SDK2: variants seen among roughly 807,000 people sequenced by gnomAD.
The protein encoded by SDK2 is protein sidekick-2.
A neutral mutation model predicts 253.9 loss-of-function variants in SDK2; 105 were observed. The observed-to-expected ratio is 0.41, with a 90% CI of 0.35 to 0.49. The LOEUF (loss-of-function observed/expected upper bound fraction) is 0.49, where lower values mean the gene tolerates loss of function less well. Among genes scored for constraint, SDK2 ranks in the 20% least tolerant of loss-of-function variants. SDK2 has a pLI of 0.06. For missense variants in SDK2, 2,608 were observed against 3,003.0 expected (o/e 0.87, Z 3.07); for synonymous variants, 1,249 against 1,234.9 (o/e 1.01, Z -0.24).
chr17:73,381,488 T>A (rs938189439), intron 33 of SDK2, among the ~76,000 whole-genome samples: 4 of 152,002 alleles, frequency 2.6e-5, no homozygotes, highest in African/African-American at 9.7e-5. Context: ...GTTTTTCTAT[T>A]AATATTCCTT....
rs952956230 is a variant in SDK2, at chr17:73,361,242, G to T, written c.5467+442C>A. On this transcript the variant is annotated intron_variant, in intron 39 of 44. Coordinates refer to ENST00000392650, the MANE Select transcript of SDK2 (RefSeq NM_001144952.2). This position sits in a 1 kb window ranked among gnomAD's most constrained non-coding sequence, Gnocchi z 4.1. The stretch of plus-strand genomic sequence containing the variant: ...ACCCTGGGAACGTGCATTTTAGTGC[G>T]CCCTGCTCTGAGAACCGCTGCCTGG... Among the ~76,000 whole-genome samples the T allele has an allele frequency of 2.6e-5, 4 of 152,144 alleles. No individual in the cohort carries two copies. The highest frequency in any genetic ancestry group is 9.7e-5 in the African/African-American group (4 of 41,424).
chr17:73,483,356 A>C (rs1222364699), intron 2 of SDK2, among the ~76,000 whole-genome samples: 3 of 124,270 alleles, frequency 2.4e-5, no homozygotes, highest in Non-Finnish European at 4.7e-5. Flanking sequence ...CCTTTTGCTC[A>C]GGCTAAAGTG....
intron 1 of SDK2, among the ~76,000 whole-genome samples, chr17:73,542,769 C>A (rs899346765): frequency 1.3e-5 from 2 of 152,218 alleles, no homozygotes; most frequent in African/African-American, 4.8e-5. Flanking sequence ...GGGCCTGCAA[C>A]AGGCCTGAAA....
At chr17:73,412,963 C>A (rs529331260) in intron 18 of SDK2, among the ~76,000 whole-genome samples, 1 of 152,220 alleles carries the variant, frequency 6.6e-6, no homozygotes, top group East Asian at 1.9e-4. Context: ...ACAGTAATCC[C>A]GTACTTCTAA....
intron 1 of SDK2, among the ~76,000 whole-genome samples, chr17:73,591,818 G>C (rs73353312): frequency 0.018 from 2,779 of 152,172 alleles, 76 homozygotes; most frequent in African/African-American, 0.059. Flanking sequence ...CTGTGGGGTG[G>C]GGCAATACCA....
chr17:73,468,011 C>T (rs1348427100), intron 3 of SDK2, among the ~76,000 whole-genome samples: 4 of 152,174 alleles, frequency 2.6e-5, no homozygotes, highest in African/African-American at 9.7e-5. Context: ...ACAGCATGGT[C>T]CTGGTGGAAC....
rs982666988 is a variant in SDK2, at chr17:73,541,223, G to T, written c.65-33626C>A. On this transcript the variant is annotated intron_variant, in intron 1 of 44. Coordinates refer to ENST00000392650, the MANE Select transcript of SDK2 (RefSeq NM_001144952.2). This position sits in a 1 kb window ranked among gnomAD's most constrained non-coding sequence, Gnocchi z 4.3. ...AGGGCTGGGGCAGCAGTGAAGGGAGGTGCCCGGGGGGCTGCAGGGGATGGG... is the reference window on the plus strand; with the variant it reads ...AGGGCTGGGGCAGCAGTGAAGGGAGTTGCCCGGGGGGCTGCAGGGGATGGG... Among the ~76,000 whole-genome samples the T allele has an allele frequency of 8.5e-5, 13 of 152,216 alleles. No homozygotes were observed. The highest frequency in any genetic ancestry group is 1.6e-4 in the Non-Finnish European group (11 of 68,042).
intron 1 of SDK2, among the ~76,000 whole-genome samples, chr17:73,613,367 C>T (rs1216548776): frequency 6.6e-6 from 1 of 151,462 alleles, no homozygotes; most frequent in African/African-American, 2.4e-5. Flanking sequence ...CCACCCCCGC[C>T]CTCCAGGTCC....
At position 73,415,549 on chromosome 17, in the gene SDK2, G is replaced by A. The variant is rs147170499; in HGVS notation, c.2368+262C>T. On this transcript the variant is annotated intron_variant, in intron 17 of 44. Transcript: ENST00000392650. ...TTTTGTAGAGACAGGGTCTCACTATGTTGCCTAGGTTAGCCTCAAACTCCT... is the reference window on the plus strand; with the variant it reads ...TTTTGTAGAGACAGGGTCTCACTATATTGCCTAGGTTAGCCTCAAACTCCT... Among the ~76,000 whole-genome samples the A allele has an allele frequency of 8.1e-3, 1,224 of 151,978 alleles. 19 individuals carry two copies. Among genetic ancestry groups the A allele is most frequent in the African/African-American group, 0.025 (1,040 of 41,444 alleles).
chr17:73,566,151 C>A (rs1250124864), intron 1 of SDK2, among the ~76,000 whole-genome samples: 1 of 152,152 alleles, frequency 6.6e-6, no homozygotes, highest in African/African-American at 2.4e-5. Context: ...AGCCTGGCAC[C>A]TCCTGCCTTC....
intron 1 of SDK2, among the ~76,000 whole-genome samples, chr17:73,622,376 G>A (rs550276239): frequency 1.1e-4 from 17 of 152,330 alleles, no homozygotes; most frequent in African/African-American, 4.1e-4. Context: ...CCGATGCAGA[G>A]GTCTCTCCTC....
At chr17:73,350,875 G>T in intron 41 of SDK2, 85 bp from the exon 42 acceptor site, 1 of 1,416,300 alleles carries the variant, frequency 7.1e-7, no homozygotes, top group Non-Finnish European at 9.5e-7. Flanking sequence ...CCTACTAACT[G>T]CTACAATCTA....
chr17:73,434,191 C>T (rs1237071400), intron 9 of SDK2, among the ~76,000 whole-genome samples: 1 of 152,210 alleles, frequency 6.6e-6, no homozygotes, highest in East Asian at 1.9e-4. Context: ...GGTTTACAAG[C>T]CAAAAGTGAA....
intron 29 of SDK2, among the ~76,000 whole-genome samples, chr17:73,389,189 T>C (rs1437869966): frequency 4.4e-5 from 6 of 137,714 alleles, no homozygotes; most frequent in African/African-American, 1.1e-4. Flanking sequence ...CTTTCTTTTT[T>C]TTTTTTTTTT....
intron 1 of SDK2, among the ~76,000 whole-genome samples, chr17:73,521,720 G>C (rs934005755): frequency 6.6e-6 from 1 of 152,176 alleles, no homozygotes; most frequent in Non-Finnish European, 1.5e-5. Flanking sequence ...TTGGGGGCGG[G>C]GGTGAGCCCC....
rs2062653406 is a variant in SDK2 at position 73,362,911 on chromosome 17, A to G, written c.5306-1066T>C. 2.0e-5 allele frequency among the ~76,000 whole-genome samples: 3 copies of G among 152,362 alleles called. No individual in the cohort carries two copies. The South Asian group carries it at 6.2e-4, about 32-fold the overall frequency. On this transcript the variant is annotated intron_variant, in intron 38 of 44. Coordinates refer to ENST00000392650, the MANE Select transcript of SDK2 (RefSeq NM_001144952.2). ...CAGTGAAAGACAGGCCTTGCAGCCAATAGGCTGGGCTCAGACCCAGTGATG... is the reference window on the plus strand; with the variant it reads ...CAGTGAAAGACAGGCCTTGCAGCCAGTAGGCTGGGCTCAGACCCAGTGATG...
chr17:73,459,523 C>A (rs904814754), intron 3 of SDK2, among the ~76,000 whole-genome samples: 1 of 152,196 alleles, frequency 6.6e-6, no homozygotes, highest in African/African-American at 2.4e-5. Context: ...CTACAGCATC[C>A]TGGAAGGATG....
At chr17:73,559,137 A>T (rs1285777909) in intron 1 of SDK2, among the ~76,000 whole-genome samples, 1 of 152,132 alleles carries the variant, frequency 6.6e-6, no homozygotes, top group Non-Finnish European at 1.5e-5. Context: ...TCCTGCCTGC[A>T]CCGGGGCCCC....
At chr17:73,631,951 A>T (rs1333841711) in intron 1 of SDK2, among the ~76,000 whole-genome samples, 2 of 152,174 alleles carry the variant, frequency 1.3e-5, no homozygotes, top group Non-Finnish European at 2.9e-5. Flanking sequence ...GCCTGGCCCA[A>T]ATTAAGAGGG....
Sources: allele counts gnomAD v4.1 joint callset (sites outside exome capture counted in the v4.1 genomes callset), GRCh38; gene constraint gnomAD v4.1.1; non-coding constraint Gnocchi (gnomAD v3.1); transcripts MANE v1.5; gene names NCBI Gene and HGNC (gene_info 2026-07-23, HGNC 2026-07-21).